The following PDE4B variants were observed in gnomAD, a reference collection of about 807,000 sequenced individuals.
PDE4B encodes 3',5'-cyclic-AMP phosphodiesterase 4B.
Under a neutral mutation model 82.2 loss-of-function variants are expected in PDE4B, and 20 were observed. The ratio of observed to expected loss-of-function variants is 0.24; its 90% CI spans 0.17 to 0.35. PDE4B has a LOEUF of 0.35. Ranked by LOEUF, PDE4B falls within the 10% of genes least tolerant of loss-of-function variation. PDE4B has a pLI of 1.00. For synonymous variants in PDE4B, 320 were observed against 318.9 expected (o/e 1.00, Z -0.04); for missense variants, 655 against 907.2 (o/e 0.72, Z 3.57).
At chr1:66,000,140 A>G (rs1292558865) in intron 3 of PDE4B, among the ~76,000 whole-genome samples, 2 of 152,202 alleles carry the variant, frequency 1.3e-5, no homozygotes, top group African/African-American at 2.4e-5. Context: ...GTAGCACTGT[A>G]CAATTATTTA....
intron 1 of PDE4B, among the ~76,000 whole-genome samples, chr1:65,854,543 AT>A (rs1413104511): frequency 6.6e-6 from 1 of 151,512 alleles, no homozygotes; most frequent in Non-Finnish European, 1.5e-5. Flanking sequence ...TTTCTTCATC[AT>A]TTTAAAGTCA....
intron 3 of PDE4B, among the ~76,000 whole-genome samples, chr1:66,183,664 A>G (rs1647120024): frequency 1.3e-5 from 2 of 152,214 alleles, no homozygotes; most frequent in Non-Finnish European, 2.9e-5. Context: ...GGCAGATGTT[A>G]TATTTATCAC....
intron 3 of PDE4B, among the ~76,000 whole-genome samples, chr1:65,928,714 A>C (rs777383186): frequency 6.6e-6 from 1 of 152,184 alleles, no homozygotes; most frequent in Non-Finnish European, 1.5e-5. Flanking sequence ...TGAGAGGTCT[A>C]AAGTGACTAA....
At chr1:66,363,040 C>A in intron 10 of PDE4B, 128 bp from the exon 11 acceptor site, 1 of 622,534 alleles carries the variant, frequency 1.6e-6, no homozygotes, top group Non-Finnish European at 2.9e-6. Flanking sequence ...GATTTTCACA[C>A]AACTAAAGCA....
chr1:66,029,857 GATT>G (rs944303345), intron 3 of PDE4B, among the ~76,000 whole-genome samples: 25 of 152,168 alleles, frequency 1.6e-4, no homozygotes, highest in African/African-American at 5.5e-4. Context: ...CTCACCCAGT[GATT>G]ATAACAATAA....
intron 3 of PDE4B, among the ~76,000 whole-genome samples, chr1:66,058,862 C>G (rs1462245472): frequency 6.6e-6 from 1 of 152,214 alleles, no homozygotes; most frequent in East Asian, 1.9e-4. Context: ...CTTCCATTGT[C>G]TTGGGGATTA....
At chr1:65,842,686 C>T (rs1646221206) in intron 1 of PDE4B, among the ~76,000 whole-genome samples, 1 of 152,090 alleles carries the variant, frequency 6.6e-6, no homozygotes, top group Admixed American at 6.6e-5. Context: ...CATGAAGACC[C>T]ACTTCATGCC....
At chr1:66,267,458 T>G (rs563858110) in intron 7 of PDE4B, 1 of 152,370 alleles carries the variant, frequency 6.6e-6, no homozygotes, top group East Asian at 1.9e-4. Flanking sequence ...TACATCAATT[T>G]GATTATTTAG....
intron 7 of PDE4B, among the ~76,000 whole-genome samples, chr1:66,286,632 T>G (rs747531997): frequency 1.3e-5 from 2 of 152,144 alleles, no homozygotes; most frequent in African/African-American, 2.4e-5. Flanking sequence ...ATCACATTGG[T>G]GAAAAATGTG....
chr1:65,833,583 A>G (rs1365264856), intron 1 of PDE4B, among the ~76,000 whole-genome samples: 1 of 152,236 alleles, frequency 6.6e-6, no homozygotes, highest in Non-Finnish European at 1.5e-5. Context: ...AGATGTAGTG[A>G]TAGAAGGTAT....
intron 3 of PDE4B, among the ~76,000 whole-genome samples, chr1:66,132,527 T>G (rs990085175): frequency 6.6e-6 from 1 of 152,212 alleles, no homozygotes; most frequent in South Asian, 2.1e-4. Flanking sequence ...GACTTTTCTC[T>G]GATCTCATTT....
At chr1:65,798,071 T>C (rs1645650947) in intron 1 of PDE4B, among the ~76,000 whole-genome samples, 1 of 152,072 alleles carries the variant, frequency 6.6e-6, no homozygotes, top group South Asian at 2.1e-4. Context: ...CAGGCTGGAG[T>C]GCAGTGGTGC....
intron 7 of PDE4B, among the ~76,000 whole-genome samples, chr1:66,305,571 A>G (rs769400965): frequency 6.6e-6 from 1 of 152,118 alleles, no homozygotes; most frequent in Non-Finnish European, 1.5e-5. Flanking sequence ...TATTCATAGG[A>G]AAAAGGTGGA....
At chr1:65,975,565 C>T (rs1309422810) in intron 3 of PDE4B, among the ~76,000 whole-genome samples, 1 of 152,182 alleles carries the variant, frequency 6.6e-6, no homozygotes, top group East Asian at 1.9e-4. Flanking sequence ...GAAAATGTTT[C>T]CAGGGCATTT....
intron 3 of PDE4B, chr1:66,042,386 G>A (rs1654434928): frequency 6.6e-6 from 1 of 151,566 alleles, no homozygotes; most frequent in Non-Finnish European, 1.5e-5. Flanking sequence ...TAAATTCAAG[G>A]TCCAATATAT....
At chr1:65,948,269 A>T (rs1004904041) in intron 3 of PDE4B, among the ~76,000 whole-genome samples, 167 of 151,830 alleles carry the variant, frequency 1.1e-3, no homozygotes, top group African/African-American at 3.9e-3. Context: ...CTCTACTCTT[A>T]GCAGGAGGGT....
At chr1:66,178,789 T>C (rs1157800368) in intron 3 of PDE4B, among the ~76,000 whole-genome samples, 1 of 152,208 alleles carries the variant, frequency 6.6e-6, no homozygotes, top group Non-Finnish European at 1.5e-5. Flanking sequence ...TAATGAAATA[T>C]ACATGCTCAA....
At chr1:66,269,996 T>TAAAAA (rs1447676496) in intron 7 of PDE4B, among the ~76,000 whole-genome samples, 1 of 152,198 alleles carries the variant, frequency 6.6e-6, no homozygotes, top group Non-Finnish European at 1.5e-5. Context: ...GCAGGAACAT[T>TAAAAA]ACCACTGGTA....
chr1:66,017,228 T>G (rs916754452), intron 3 of PDE4B, among the ~76,000 whole-genome samples: 1 of 152,258 alleles, frequency 6.6e-6, no homozygotes, highest in African/African-American at 2.4e-5. Flanking sequence ...CTCATTCTGC[T>G]GCATATATAT....
Sources: allele counts gnomAD v4.1 joint callset (sites outside exome capture counted in the v4.1 genomes callset), GRCh38; gene constraint gnomAD v4.1.1; transcripts MANE v1.5; gene names NCBI Gene and HGNC (gene_info 2026-07-23, HGNC 2026-07-21).